The following IPO13 variants were observed in gnomAD, a reference collection of about 807,000 sequenced individuals.
IPO13 encodes the protein importin 13.
In IPO13, 28 loss-of-function variants were observed where a neutral mutation model predicts 115.5. The ratio of observed to expected loss-of-function variants is 0.24; its 90% CI spans 0.18 to 0.33. The LOEUF (loss-of-function observed/expected upper bound fraction) is 0.33, where lower values mean the gene tolerates loss of function less well. Ranked by LOEUF, IPO13 falls within the 10% of genes least tolerant of loss-of-function variation. The pLI, the probability that IPO13 is intolerant of heterozygous loss-of-function variation, is 1.00. For synonymous variants in IPO13, 414 were observed against 478.9 expected (o/e 0.86, Z 1.77); for missense variants, 785 against 1,204.6 (o/e 0.65, Z 5.16).
intron 5 of IPO13, 68 bp from the exon 6 acceptor site, chr1:43,957,127 C>T (rs1162807715): frequency 1.9e-6 from 3 of 1,588,410 alleles, no homozygotes; most frequent in Non-Finnish European, 1.7e-6. Flanking sequence ...GGGGTAGGCT[C>T]CTGGGCTTGG....
Position 43,967,837 on chromosome 1 carries a change from T to C in IPO13, c.*155T>C. On this transcript the variant is annotated 3_prime_UTR_variant, in exon 20 of 20. Transcript: ENST00000372343. The surrounding 1 kb of genome is among the most constrained non-coding windows in gnomAD (Gnocchi z 6.1). ...AAGGCCTGGGGGAAGGATGGGAGGATGCTTGGACCCAGGCCTTGGGAGGGA... is the reference window on the plus strand; with the variant it reads ...AAGGCCTGGGGGAAGGATGGGAGGACGCTTGGACCCAGGCCTTGGGAGGGA... The C allele has an allele frequency of 1.4e-6, 1 of 706,094 alleles. No individual in the cohort carries two copies. Among genetic ancestry groups the C allele is most frequent in the East Asian group, 2.7e-5 (1 of 36,780 alleles). The allele number at this position is 706,094 out of a possible 1,614,324, so 43.7% of individuals were successfully genotyped here.
In IPO13 at chr1:43,949,947, G is replaced by A; in HGVS notation, c.615G>A (p.Leu205=). 6.2e-7 allele frequency: 1 copy of A among 1,609,874 alleles called. No homozygotes were observed. The highest frequency in any genetic ancestry group is 8.5e-7 in the Non-Finnish European group (1 of 1,179,360). The change falls in exon 2 of 20, where the codon CTG becomes CTA. Residue 205 remains leucine (L), a synonymous_variant. Transcript: ENST00000372343. ...AATGTGGGGCTGTCTTCCCGCTGCT[G>A]GAGCAGCTGCTACAGCAGCCCAGCT... is the stretch of plus-strand genomic sequence containing the variant. ...AVECGAVFPL[L]EQLLQQPSSP... is the part of the protein sequence containing the mutation.
At chr1:43,965,665 G>T (rs1468698956) in intron 15 of IPO13, among the ~76,000 whole-genome samples, 1 of 151,818 alleles carries the variant, frequency 6.6e-6, no homozygotes. Flanking sequence ...GTGTGTTCCA[G>T]ATGGGGAGAG....
chr1:43,958,323 T>C lies in IPO13; in HGVS notation c.1749+55T>C. On this transcript the variant is annotated intron_variant, in intron 9 of 19. Transcript: ENST00000372343. The surrounding 1 kb of genome is among the most constrained non-coding windows in gnomAD (Gnocchi z 6.3). ...TTGGAGGTCTTGTGGGAATCACTTA[T>C]CCCTGAAATCCTGTTTTTTGGCCTT... 1 of 1,611,978 alleles carries C rather than the reference T, an allele frequency of 6.2e-7. No individual in the cohort carries two copies. Among genetic ancestry groups the C allele is most frequent in the South Asian group, 1.1e-5 (1 of 91,034 alleles).
chr1:43,965,363 T>G (rs2154302436), intron 15 of IPO13, among the ~76,000 whole-genome samples: 1 of 152,118 alleles, frequency 6.6e-6, no homozygotes, highest in African/African-American at 2.4e-5. Flanking sequence ...ACTGAGGATA[T>G]GATAGCGAGC....
At position 43,967,523 on chromosome 1, in the gene IPO13, G is replaced by A. The variant is rs2085334461; in HGVS notation, c.2795+27G>A. On this transcript the variant is annotated intron_variant, in intron 19 of 19. Coordinates refer to ENST00000372343, the MANE Select transcript of IPO13 (RefSeq NM_014652.4). This position sits in a 1 kb window ranked among gnomAD's most constrained non-coding sequence, Gnocchi z 6.1. The stretch of plus-strand genomic sequence containing the variant: ...TGAGCAGAGCTGGGGTGGGCCTGGG[G>A]TCAGGCAGAGAGGGGGCAGTGGTGG... 7 of 1,614,156 alleles carry A rather than the reference G, an allele frequency of 4.3e-6. No individual in the cohort carries two copies. Among genetic ancestry groups the A allele is most frequent in the Non-Finnish European group, 5.1e-6 (6 of 1,179,990 alleles).
intron 13 of IPO13, 46 bp from the exon 14 acceptor site, chr1:43,961,120 G>A (rs368015305): frequency 2.4e-5 from 38 of 1,607,832 alleles, no homozygotes; most frequent in Non-Finnish European, 3.2e-5. Context: ...GCCATGTCCT[G>A]GTGAGACTGG....
chr1:43,967,772 T>C lies in IPO13; in HGVS notation c.*90T>C. ...ACCCTCACTGCTGTCTCTGCCTCCT[T>C]TCTGCTGTCACCACCACCTAACTGA... is the stretch of plus-strand genomic sequence containing the variant. On this transcript the variant is annotated 3_prime_UTR_variant, in exon 20 of 20. Transcript: ENST00000372343. The surrounding 1 kb of genome is among the most constrained non-coding windows in gnomAD (Gnocchi z 6.1). The C allele has an allele frequency of 1.6e-6, 2 of 1,221,086 alleles. No homozygotes were observed. The highest frequency in any genetic ancestry group is 1.5e-5 in the African/African-American group (1 of 66,718). 75.6% of individuals were successfully genotyped at this position (1,221,086 alleles called of 1,614,324 possible). A position where few individuals can be genotyped will look rare whatever the true frequency, so the allele number is the denominator to read the frequency against.
Position 43,958,377 on chromosome 1 carries a change from T to C in IPO13, c.1750-84T>C. On this transcript the variant is annotated intron_variant, in intron 9 of 19. Coordinates refer to ENST00000372343, the MANE Select transcript of IPO13 (RefSeq NM_014652.4). This position sits in a 1 kb window ranked among gnomAD's most constrained non-coding sequence, Gnocchi z 6.3. ...CTTCCTCTTATCCCTTATTCTCTGT[T>C]TTTCTTCTCCCAAGAGGCTCATTTT... 6.2e-7 allele frequency: 1 copy of C among 1,610,264 alleles called. No homozygotes were observed. Among genetic ancestry groups the C allele is most frequent in the African/African-American group, 1.3e-5 (1 of 74,780 alleles).
rs753087405 is a variant in IPO13, at chr1:43,966,981, C to G, written c.2575C>G (p.Gln859Glu). ...AGTAGAGTCTGTGGGAAAGGTGGTA[C>G]AGGAAGACGGTCGTATGCTGCTCAT... is the stretch of plus-strand genomic sequence containing the variant. Reference protein sequence around the residue: ...GEVESVGKVVQEDGRMLLIAV... With the variant: ...GEVESVGKVVEEDGRMLLIAV... Residue 859 changes from glutamine (Q) to glutamate (E), a missense_variant, in exon 18 of 20, where the codon CAG (glutamine) becomes GAG (glutamate). Physicochemically the swap from Gln to Glu is conservative, Grantham distance 29. Around this residue, in one of 3 missense-constraint regions of IPO13, gnomAD observed 285 missense variants for 394.8 expected, o/e 0.72. Transcript: ENST00000372343. The surrounding 1 kb of genome is among the most constrained non-coding windows in gnomAD (Gnocchi z 4.1). 2.5e-6 allele frequency: 4 copies of G among 1,613,746 alleles called. No homozygotes were observed. The highest frequency in any genetic ancestry group is 3.4e-6 in the Non-Finnish European group (4 of 1,179,998).
At chr1:43,951,289 CA>C (rs2085207323) in intron 2 of IPO13, among the ~76,000 whole-genome samples, 1 of 152,188 alleles carries the variant, frequency 6.6e-6, no homozygotes, top group African/African-American at 2.4e-5. Flanking sequence ...ACATGAGTGG[CA>C]AGTACAATCA....
chr1:43,956,768 A>T lies in IPO13; in HGVS notation c.1105-42A>T. Reference sequence around the variant, plus strand: ...AGAAGGTGGATCATGGGCTTCTATGACTGCTGGTGAGGTGGCTAATTCTCT... The same window carrying T: ...AGAAGGTGGATCATGGGCTTCTATGTCTGCTGGTGAGGTGGCTAATTCTCT... On this transcript the variant is annotated intron_variant, in intron 4 of 19. Transcript: ENST00000372343. This position sits in a 1 kb window ranked among gnomAD's most constrained non-coding sequence, Gnocchi z 4.7. The T allele has an allele frequency of 6.2e-7, 1 of 1,613,490 alleles. No individual in the cohort carries two copies. The highest frequency in any genetic ancestry group is 1.3e-5 in the African/African-American group (1 of 75,002).
At chr1:43,954,618 C>G (rs2085231843) in intron 2 of IPO13, among the ~76,000 whole-genome samples, 1 of 152,274 alleles carries the variant, frequency 6.6e-6, no homozygotes, top group East Asian at 1.9e-4. Flanking sequence ...CTCCACAGAC[C>G]AAGGTGCTGG....
Position 43,958,141 on chromosome 1 carries a change from A to G in IPO13, c.1705A>G (p.Ile569Val), listed in dbSNP as rs1221308579. The change falls in exon 8 of 20, where the codon ATT (isoleucine) becomes GTT (valine). Residue 569 changes from isoleucine (I) to valine (V), a missense_variant. This residue lies in a region of IPO13 where 175 missense variants were observed against 360.0 expected (regional missense o/e 0.49). Transcript: ENST00000372343. This position sits in a 1 kb window ranked among gnomAD's most constrained non-coding sequence, Gnocchi z 6.3. ...TGACCTGCCTCCCTATGCTGCCAACATTGTGGCTGTGTCCCAGGTATGCAG... is the reference window on the plus strand; with the variant it reads ...TGACCTGCCTCCCTATGCTGCCAACGTTGTGGCTGTGTCCCAGGTATGCAG... ...KYDLPPYAAN[I>V]VAVSQDVLMK... 2 of 1,614,124 alleles carry G rather than the reference A, an allele frequency of 1.2e-6. No individual in the cohort carries two copies. Among genetic ancestry groups the G allele is most frequent in the South Asian group, 2.2e-5 (2 of 91,080 alleles).
At position 43,960,916 on chromosome 1, in the gene IPO13, T is replaced by C; in HGVS notation, c.2150T>C (p.Leu717Pro). The change falls in exon 13 of 20, where the codon CTG (leucine) becomes CCG (proline). Residue 717 changes from leucine (L) to proline (P), a missense_variant. Coordinates refer to ENST00000372343, the MANE Select transcript of IPO13 (RefSeq NM_014652.4). ...TTTGAGAAGTCTGTTAAGACGCTGC[T>C]GGATGACTTTGCCCCCATGGTGCCA... is the stretch of plus-strand genomic sequence containing the variant. ...AIFEKSVKTL[L>P]DDFAPMVPQL... is the part of the protein sequence containing the mutation. 6.2e-7 allele frequency: 1 copy of C among 1,614,230 alleles called. No homozygotes were observed. The highest frequency in any genetic ancestry group is 8.5e-7 in the Non-Finnish European group (1 of 1,180,048).
rs879669626 is a variant in IPO13, at chr1:43,947,007, C to G, written c.-594C>G. Reference sequence around the variant, plus strand: ...CGGCTGTAGCGGGGCTGTAGCCGGGCGTTGAGCACAGCGCGGGCCAGGCCG... The same window carrying G: ...CGGCTGTAGCGGGGCTGTAGCCGGGGGTTGAGCACAGCGCGGGCCAGGCCG... On this transcript the variant is annotated 5_prime_UTR_variant, in exon 1 of 20. Transcript: ENST00000372343. 1 of 398,622 alleles carries G rather than the reference C, an allele frequency of 2.5e-6. No individual in the cohort carries two copies. Among genetic ancestry groups the G allele is most frequent in the Non-Finnish European group, 4.4e-6 (1 of 226,152 alleles). 24.7% of individuals were successfully genotyped at this position (398,622 alleles called of 1,614,324 possible).
At position 43,956,520 on chromosome 1, in the gene IPO13, A is replaced by G; in HGVS notation, c.963-40A>G. 6.2e-7 allele frequency: 1 copy of G among 1,613,982 alleles called. No homozygotes were observed. Among genetic ancestry groups the G allele is most frequent in the Non-Finnish European group, 8.5e-7 (1 of 1,179,932 alleles). ...GGCCCTCTAAGAAATGGGGTTCTGG[A>G]AGTCCCTGGAAAGGTAGAATGACCT... is the stretch of plus-strand genomic sequence containing the variant. On this transcript the variant is annotated intron_variant, in intron 3 of 19. Transcript: ENST00000372343. This position sits in a 1 kb window ranked among gnomAD's most constrained non-coding sequence, Gnocchi z 4.7.
chr1:43,960,882 T>C lies in IPO13; in HGVS notation c.2116T>C (p.Cys706Arg), dbSNP rs964102504. 5 of 1,614,022 alleles carry C rather than the reference T, an allele frequency of 3.1e-6. No homozygotes were observed. The highest frequency in any genetic ancestry group is 4.2e-6 in the Non-Finnish European group (5 of 1,180,036). Reference protein sequence around the residue: ...LNDAQVVEAVCAIFEKSVKTL... With the variant: ...LNDAQVVEAVRAIFEKSVKTL... Reference sequence around the variant, plus strand: ...CCTTTGCTTTCTTCCCAAGGCGGTGTGCGCTATCTTTGAGAAGTCTGTTAA... The same window carrying C: ...CCTTTGCTTTCTTCCCAAGGCGGTGCGCGCTATCTTTGAGAAGTCTGTTAA... Residue 706 changes from cysteine (C) to arginine (R), a missense_variant, in exon 13 of 20, where the codon TGC becomes CGC. Cys to Arg is a radical substitution (Grantham distance 180, BLOSUM62 -3). Coordinates refer to ENST00000372343, the MANE Select transcript of IPO13 (RefSeq NM_014652.4).
Position 43,946,993 on chromosome 1 carries a change from G to T in IPO13, c.-608G>T. On this transcript the variant is annotated 5_prime_UTR_variant, in exon 1 of 20. Coordinates refer to ENST00000372343, the MANE Select transcript of IPO13 (RefSeq NM_014652.4). ...TGGGGCGGAGGCAGCGGCTGTAGCG[G>T]GGCTGTAGCCGGGCGTTGAGCACAG... The T allele has an allele frequency of 2.5e-6, 1 of 398,706 alleles. No individual in the cohort carries two copies. Among genetic ancestry groups the T allele is most frequent in the Non-Finnish European group, 4.4e-6 (1 of 226,148 alleles). 24.7% of individuals were successfully genotyped at this position (398,706 alleles called of 1,614,324 possible). A position where few individuals can be genotyped will look rare whatever the true frequency, so the allele number is the denominator to read the frequency against.
Sources: allele counts gnomAD v4.1 joint callset (sites outside exome capture counted in the v4.1 genomes callset), GRCh38; gene constraint gnomAD v4.1.1; regional missense constraint gnomAD v4.1.1; non-coding constraint Gnocchi (gnomAD v3.1); transcripts MANE v1.5; gene names NCBI Gene and HGNC (gene_info 2026-07-23, HGNC 2026-07-21).